The following IGSF21 variants were observed in gnomAD, a reference collection of about 807,000 sequenced individuals.
IGSF21 encodes immunoglobulin superfamily member 21.
A neutral mutation model predicts 46.8 loss-of-function variants in IGSF21; 28 were observed. The observed-to-expected ratio is 0.60, with a 90% confidence interval of 0.44 to 0.82. IGSF21 has a LOEUF of 0.82. IGSF21 is among the 40% of genes least tolerant of loss of function. IGSF21 has a pLI of 0.00. For missense variants in IGSF21, 624 were observed against 665.5 expected, an observed-to-expected ratio of 0.94 and a Z score of 0.69; for synonymous variants, 284 against 273.6, an observed-to-expected ratio of 1.04 and a Z score of -0.38.
chr1:18,332,774 C>G (rs976044454), intron 3 of IGSF21, among the ~76,000 whole-genome samples: 2 of 152,092 alleles, frequency 1.3e-5, no homozygotes, highest in African/African-American at 2.4e-5. Flanking sequence ...AGATGTCAAC[C>G]TCTGTGTGTT....
At chr1:18,242,748 A>T (rs1380176305) in intron 2 of IGSF21, among the ~76,000 whole-genome samples, 1 of 152,210 alleles carries the variant, frequency 6.6e-6, no homozygotes, top group Non-Finnish European at 1.5e-5. Context: ...CTGAAATCGC[A>T]GGCTCTAATT....
intron 1 of IGSF21, among the ~76,000 whole-genome samples, chr1:18,159,510 C>T (rs1390482127): frequency 3.9e-5 from 6 of 152,128 alleles, no homozygotes; most frequent in Admixed American, 3.9e-4. Context: ...GTAAGTCTCA[C>T]GAGATCTGAT....
intron 2 of IGSF21, among the ~76,000 whole-genome samples, chr1:18,238,900 A>T (rs1165331820): frequency 6.6e-6 from 1 of 152,170 alleles, no homozygotes; most frequent in African/African-American, 2.4e-5. Flanking sequence ...GTGCAGTGAG[A>T]TGGTCTCTAA....
At chr1:18,127,326 G>A (rs1454808058) in intron 1 of IGSF21, among the ~76,000 whole-genome samples, 1 of 152,202 alleles carries the variant, frequency 6.6e-6, no homozygotes, top group Non-Finnish European at 1.5e-5. Context: ...AGGGACTCGG[G>A]AGCAGAGCAG....
chr1:18,277,664 C>T (rs950213355), intron 2 of IGSF21, among the ~76,000 whole-genome samples: 4 of 152,284 alleles, frequency 2.6e-5, no homozygotes, highest in South Asian at 2.1e-4. Flanking sequence ...ACAAACATAG[C>T]GTCTCCTTGA....
chr1:18,165,615 C>T (rs2086670998), intron 1 of IGSF21, among the ~76,000 whole-genome samples: 1 of 152,120 alleles, frequency 6.6e-6, no homozygotes. Context: ...GACTTTCCTC[C>T]CCATCTAATT....
chr1:18,230,971 T>C (rs995553768), intron 2 of IGSF21, among the ~76,000 whole-genome samples: 3 of 151,906 alleles, frequency 2.0e-5, no homozygotes, highest in African/African-American at 4.8e-5. Context: ...TGCTGTTTGT[T>C]TTCTGTACGT....
chr1:18,115,402 G>A (rs892165812), intron 1 of IGSF21: 1 of 152,234 alleles, frequency 6.6e-6, no homozygotes, highest in Non-Finnish European at 1.5e-5. Flanking sequence ...GAGCTATTGA[G>A]GGTGAGCATC....
chr1:18,204,208 G>A (rs528952689), intron 1 of IGSF21, among the ~76,000 whole-genome samples: 5 of 152,136 alleles, frequency 3.3e-5, no homozygotes, highest in Admixed American at 6.5e-5. Context: ...GGTACTGTTC[G>A]GTCTCCATTT....
intron 1 of IGSF21, among the ~76,000 whole-genome samples, chr1:18,149,334 G>C (rs2086500072): frequency 6.6e-6 from 1 of 152,206 alleles, no homozygotes; most frequent in Non-Finnish European, 1.5e-5. Context: ...TTCGGGGCAA[G>C]GGACTGATTT....
chr1:18,192,013 G>C (rs1222146502), intron 1 of IGSF21, among the ~76,000 whole-genome samples: 1 of 152,012 alleles, frequency 6.6e-6, no homozygotes. Context: ...GGCCGGGGAG[G>C]GCTGCCACGC....
chr1:18,126,256 C>T (rs1336340774), intron 1 of IGSF21, among the ~76,000 whole-genome samples: 1 of 152,146 alleles, frequency 6.6e-6, no homozygotes, highest in African/African-American at 2.4e-5. Context: ...TCAGTTCCAG[C>T]TTCACTTTGA....
In IGSF21 at chr1:18,223,409, CAGTAGCAAGA is replaced by C. The variant is rs146591561; in HGVS notation, c.71-4485_71-4476del. On this transcript the variant is annotated intron_variant, in intron 1 of 9. Transcript: ENST00000251296. ...ATCAAGTAGTATGTTCTGCTCCAGC[CAGTAGCAAGA>C]AGTGGTAGAAAGAAGTTGGCTTTGG... Among the ~76,000 whole-genome samples the C allele has an allele frequency of 4.8e-3, 735 of 152,304 alleles. 7 individuals carry two copies. Among genetic ancestry groups the C allele is most frequent in the African/African-American group, 0.016 (657 of 41,566 alleles).
intron 4 of IGSF21, among the ~76,000 whole-genome samples, chr1:18,360,369 A>C (rs1443522629): frequency 1.3e-5 from 2 of 152,158 alleles, no homozygotes; most frequent in Non-Finnish European, 2.9e-5. Context: ...TCCCTGAATG[A>C]ATGAATGACT....
intron 1 of IGSF21, among the ~76,000 whole-genome samples, chr1:18,159,633 G>A (rs1359217627): frequency 2.0e-5 from 3 of 151,566 alleles, no homozygotes; most frequent in African/African-American, 4.8e-5. Context: ...GTGTGGAACT[G>A]TAAACCCATT....
intron 1 of IGSF21, among the ~76,000 whole-genome samples, chr1:18,149,284 G>A (rs1025058051): frequency 6.6e-6 from 1 of 152,208 alleles, no homozygotes; most frequent in African/African-American, 2.4e-5. Flanking sequence ...AGCGCTCGGT[G>A]TGCAGGGGAG....
rs371607476 is a variant in IGSF21 at position 18,116,662 on chromosome 1, T to C, written c.70+8464T>C. Among the ~76,000 whole-genome samples, 8 of 152,316 alleles carry C rather than the reference T, an allele frequency of 5.3e-5. No individual in the cohort carries two copies. In the East Asian group the frequency reaches 1.5e-3, roughly 29 times the overall value. On this transcript the variant is annotated intron_variant, in intron 1 of 9. Transcript: ENST00000251296. ...AGCTGCCCCAGGCCTGATTCTGGAC[T>C]GACAGAGACCTCTCGGGGAGTTTCA...
chr1:18,277,711 A>C (rs973224797), intron 2 of IGSF21, among the ~76,000 whole-genome samples: 7 of 152,230 alleles, frequency 4.6e-5, no homozygotes, highest in Non-Finnish European at 1.0e-4. Context: ...GGAATAAACC[A>C]TGGTACACAC....
Position 18,196,014 on chromosome 1 carries a change from T to C in IGSF21, c.71-31884T>C, listed in dbSNP as rs146580201. On this transcript the variant is annotated intron_variant, in intron 1 of 9. Coordinates refer to ENST00000251296, the MANE Select transcript of IGSF21 (RefSeq NM_032880.5). ...CAGCCTTCTGGAACTGCAAGCAGCTTGGTGATGCTGGGGGGTTGTGTGCAG... is the reference window on the plus strand; with the variant it reads ...CAGCCTTCTGGAACTGCAAGCAGCTCGGTGATGCTGGGGGGTTGTGTGCAG... Among the ~76,000 whole-genome samples, 1,049 of 152,224 alleles carry C rather than the reference T, an allele frequency of 6.9e-3. 6 individuals are homozygous for C. Among genetic ancestry groups the C allele is most frequent in the African/African-American group, 0.024 (1,011 of 41,550 alleles).
Sources: allele counts gnomAD v4.1 joint callset (sites outside exome capture counted in the v4.1 genomes callset), GRCh38; gene constraint gnomAD v4.1.1; transcripts MANE v1.5; gene names NCBI Gene and HGNC (gene_info 2026-07-23, HGNC 2026-07-21).